Variants in BMPR2 observed in about 807,000 individuals in gnomAD.
The protein encoded by BMPR2 is bone morphogenetic protein receptor type 2.
Under a neutral mutation model 100.8 loss-of-function variants are expected in BMPR2, and 29 were observed. The ratio of observed to expected loss-of-function variants is 0.29; its 90% confidence interval spans 0.21 to 0.39. The LOEUF is 0.39. Ranked by LOEUF, BMPR2 falls within the 10% of genes least tolerant of loss-of-function variation. BMPR2 has a pLI of 1.00. For synonymous variants in BMPR2, 382 were observed against 442.3 expected, an observed-to-expected ratio of 0.86 and a Z score of 1.71; for missense variants, 1,011 against 1,274.5, an observed-to-expected ratio of 0.79 and a Z score of 3.15.
chr2:202,445,020 T>G (rs2105942517), intron 1 of BMPR2, among the ~76,000 whole-genome samples: 1 of 150,322 alleles, frequency 6.7e-6, no homozygotes, highest in East Asian at 1.9e-4. Flanking sequence ...ACTCCCGACA[T>G]CAGGTGATCC....
intron 10 of BMPR2, among the ~76,000 whole-genome samples, chr2:202,544,761 CTTTTTTTT>C (rs56654364): frequency 9.7e-5 from 8 of 82,690 alleles, no homozygotes; most frequent in African/African-American, 3.9e-4. Flanking sequence ...CTTTTTCTTT[CTTTTTTTT>C]TTTTTTTTTT....
chr2:202,542,260 T>C (rs544131653), intron 9 of BMPR2, 51 bp from the exon 10 acceptor site: 2 of 1,603,652 alleles, frequency 1.2e-6, no homozygotes, highest in Non-Finnish European at 1.7e-6. Context: ...TATTCTATCA[T>C]TTATGATAGT....
chr2:202,402,056 T>TTATG (rs2105910869), intron 1 of BMPR2, among the ~76,000 whole-genome samples: 1 of 152,380 alleles, frequency 6.6e-6, no homozygotes, highest in South Asian at 2.1e-4. Context: ...ATTAAGCTAA[T>TTATG]GCTGAATTAT....
At chr2:202,380,628 C>CTT (rs34657186) in intron 1 of BMPR2, among the ~76,000 whole-genome samples, 12 of 135,996 alleles carry the variant, frequency 8.8e-5, no homozygotes, top group African/African-American at 2.7e-4. Context: ...GGATTTCTTT[C>CTT]TTTTTTTTTT....
intron 3 of BMPR2, among the ~76,000 whole-genome samples, chr2:202,494,704 T>C (rs1222637919): frequency 6.6e-6 from 1 of 152,206 alleles, no homozygotes; most frequent in Non-Finnish European, 1.5e-5. Context: ...ATGTAGCATA[T>C]GTTATGTAAA....
intron 1 of BMPR2, among the ~76,000 whole-genome samples, chr2:202,430,333 TTTG>T (rs1559036111): frequency 6.6e-6 from 1 of 152,224 alleles, no homozygotes; most frequent in African/African-American, 2.4e-5. Context: ...CTACAGTCTT[TTTG>T]TTTTATGATT....
chr2:202,464,949 T>A lies in BMPR2; in HGVS notation c.217T>A (p.Ser73Thr), dbSNP rs1364793883. The change falls in exon 2 of 13, where the codon TCA (serine) becomes ACA (threonine). Residue 73 changes from serine (S) to threonine (T), a missense_variant. By Grantham distance (58) the Ser-to-Thr change is moderately conservative. This residue lies in a region of BMPR2 where 355 missense variants were observed against 455.3 expected (regional missense o/e 0.78). Coordinates refer to ENST00000374580, the MANE Select transcript of BMPR2 (RefSeq NM_001204.7). ...CACCTGCTATGGCCTTTGGGAGAAA[T>A]CAAAAGGGGACATAAATCTTGTAAA... ...GSTCYGLWEK[S>T]KGDINLVKQG... 2 of 1,613,956 alleles carry A rather than the reference T, an allele frequency of 1.2e-6. No homozygotes were observed. The highest frequency in any genetic ancestry group is 2.2e-5 in the East Asian group (1 of 44,858).
At chr2:202,512,686 G>A (rs1305168063) in intron 3 of BMPR2, among the ~76,000 whole-genome samples, 3 of 152,148 alleles carry the variant, frequency 2.0e-5, no homozygotes, top group Non-Finnish European at 4.4e-5. Flanking sequence ...CCCACAGAAT[G>A]GAACTTAACA....
chr2:202,386,303 T>C (rs1256924147), intron 1 of BMPR2, among the ~76,000 whole-genome samples: 5 of 152,202 alleles, frequency 3.3e-5, no homozygotes, highest in African/African-American at 1.2e-4. Context: ...ATGTCTGATA[T>C]TCATCACAAA....
At position 202,559,799 on chromosome 2, in the gene BMPR2, C is replaced by T. The variant is rs1396865477; in HGVS notation, c.2970C>T (p.Val990=). 6 of 1,614,078 alleles carry T rather than the reference C, an allele frequency of 3.7e-6. No homozygotes were observed. The Admixed American group carries it at 1.0e-4, about 27-fold the overall frequency. The change falls in exon 13 of 13, where the codon GTC becomes GTT. Residue 990 remains valine, a synonymous_variant. Coordinates refer to ENST00000374580, the MANE Select transcript of BMPR2 (RefSeq NM_001204.7). ...AGCGGTGGCGCCCCTCCACCTGGGT[C>T]ATCTCCACTGAATCGCTGGACTGTG... The part of the protein sequence containing the change: ...SLKRWRPSTW[V]ISTESLDCEV...
At chr2:202,393,689 A>AC (rs774738108) in intron 1 of BMPR2, among the ~76,000 whole-genome samples, 109 of 152,208 alleles carry the variant, frequency 7.2e-4, no homozygotes, top group South Asian at 1.2e-3. Flanking sequence ...GAAATAAATG[A>AC]CAGTACCAGA....
At chr2:202,524,221 G>A (rs1056722458) in intron 7 of BMPR2, among the ~76,000 whole-genome samples, 2 of 151,994 alleles carry the variant, frequency 1.3e-5, no homozygotes, top group Admixed American at 6.5e-5. Context: ...AATTAGTCGG[G>A]TGTGGTGGTG....
intron 10 of BMPR2, 139 bp downstream of exon 10, chr2:202,542,586 A>T (rs1434343637): frequency 2.9e-5 from 33 of 1,126,718 alleles, no homozygotes; most frequent in Non-Finnish European, 4.1e-5. Flanking sequence ...GATTTTTATG[A>T]TGTTTTCAAA....
chr2:202,524,087 A>G (rs1017773685), intron 7 of BMPR2, among the ~76,000 whole-genome samples: 3 of 151,884 alleles, frequency 2.0e-5, no homozygotes, highest in Non-Finnish European at 4.4e-5. Flanking sequence ...TTGGGGCCGG[A>G]CGCGGTGGCT....
At chr2:202,429,803 A>G (rs898057059) in intron 1 of BMPR2, among the ~76,000 whole-genome samples, 1 of 152,084 alleles carries the variant, frequency 6.6e-6, no homozygotes, top group Non-Finnish European at 1.5e-5. Flanking sequence ...GGAACTTCCA[A>G]ACACTTGTAA....
intron 12 of BMPR2, among the ~76,000 whole-genome samples, chr2:202,559,332 T>C (rs1474140459): frequency 3.3e-5 from 5 of 152,002 alleles, no homozygotes; most frequent in African/African-American, 9.7e-5. Context: ...TGATCCACCT[T>C]GAGCATTAAA....
At chr2:202,513,313 A>G (rs1294488191) in intron 3 of BMPR2, among the ~76,000 whole-genome samples, 1 of 152,170 alleles carries the variant, frequency 6.6e-6, no homozygotes, top group East Asian at 1.9e-4. Context: ...TTAGACTACC[A>G]TCTAAATCTT....
At chr2:202,430,631 T>C (rs1013944897) in intron 1 of BMPR2, among the ~76,000 whole-genome samples, 1 of 152,208 alleles carries the variant, frequency 6.6e-6, no homozygotes, top group African/African-American at 2.4e-5. Context: ...ATGGGTCCTT[T>C]GGTTATATAT....
chr2:202,384,827 A>G (rs1362216310), intron 1 of BMPR2, among the ~76,000 whole-genome samples: 1 of 152,018 alleles, frequency 6.6e-6, no homozygotes, highest in African/African-American at 2.4e-5. Context: ...TCCCGACCTC[A>G]GGTAATCTGC....
Sources: allele counts gnomAD v4.1 joint callset (sites outside exome capture counted in the v4.1 genomes callset), GRCh38; gene constraint gnomAD v4.1.1; regional missense constraint gnomAD v4.1.1; transcripts MANE v1.5; gene names NCBI Gene and HGNC (gene_info 2026-07-23, HGNC 2026-07-21).